Variants in SMAD6 observed in about 807,000 individuals in gnomAD.
The protein encoded by SMAD6 is MAD homolog 6.
In SMAD6, 103 loss-of-function variants were observed where a neutral mutation model predicts 39.4. That is an observed-to-expected ratio of 2.62 (90% CI 2.23 to 3.08). The LOEUF is 3.08. SMAD6 is among the 30% of genes most tolerant of loss of function. The pLI is 0.00. For missense variants in SMAD6, 1,104 were observed against 742.9 expected (o/e 1.49, Z -5.65); for synonymous variants, 445 against 353.3 (o/e 1.26, Z -2.91).
intron 3 of SMAD6, among the ~76,000 whole-genome samples, chr15:66,766,167 A>G (rs565906569): frequency 2.0e-5 from 3 of 152,130 alleles, no homozygotes; most frequent in African/African-American, 7.2e-5. Context: ...GGCAGCCTGC[A>G]GGGCCATTTG....
chr15:66,714,105 AAAAGTTCTTAGTG>A (rs1893282185), intron 2 of SMAD6, among the ~76,000 whole-genome samples: 1 of 152,178 alleles, frequency 6.6e-6, no homozygotes, highest in South Asian at 2.1e-4. Flanking sequence ...AAAAACCCTC[AAAAGTTCTTAGTG>A]AAAGTTCTTA....
At chr15:66,753,418 G>A (rs1894042192) in intron 3 of SMAD6, among the ~76,000 whole-genome samples, 1 of 152,168 alleles carries the variant, frequency 6.6e-6, no homozygotes, top group South Asian at 2.1e-4. Context: ...TTCCTGTAAC[G>A]CTCAGCACTG....
At chr15:66,763,324 T>C (rs527352828) in intron 3 of SMAD6, among the ~76,000 whole-genome samples, 1 of 152,324 alleles carries the variant, frequency 6.6e-6, no homozygotes, top group Non-Finnish European at 1.5e-5. Flanking sequence ...GACTGGCGGC[T>C]CTGGGTCTCC....
At chr15:66,743,008 G>A (rs879652626) in intron 3 of SMAD6, among the ~76,000 whole-genome samples, 10 of 152,100 alleles carry the variant, frequency 6.6e-5, no homozygotes, top group Admixed American at 1.3e-4. Context: ...CCGTGTGACC[G>A]TTCCCTCTGT....
At chr15:66,771,151 G>A (rs979673392) in intron 3 of SMAD6, among the ~76,000 whole-genome samples, 6 of 152,168 alleles carry the variant, frequency 3.9e-5, no homozygotes, top group African/African-American at 1.2e-4. Context: ...AGGTAGAGGC[G>A]TGCTGATGGG....
At chr15:66,705,319 G>A (rs1481761584) in intron 1 of SMAD6, 1 of 152,208 alleles carries the variant, frequency 6.6e-6, no homozygotes, top group African/African-American at 2.4e-5. Flanking sequence ...CCTGCATAGA[G>A]GGCATTGATG....
Position 66,781,217 on chromosome 15 carries a change from C to G in SMAD6, c.1173C>G (p.Ile391Met). ...RRTRSKIGFG[I>M]LLSKEPDGVW... ...CGCGCAGCAAGATCGGCTTCGGCAT[C>G]CTGCTCAGCAAGGAGCCCGACGGCG... is the stretch of plus-strand genomic sequence containing the variant. The change falls in exon 4 of 4, where the codon ATC becomes ATG. Residue 391 changes from isoleucine to methionine, a missense_variant. Coordinates refer to ENST00000288840, the MANE Select transcript of SMAD6 (RefSeq NM_005585.5). 1.2e-6 allele frequency: 2 copies of G among 1,608,756 alleles called. No homozygotes were observed. Among genetic ancestry groups the G allele is most frequent in the South Asian group, 2.2e-5 (2 of 91,066 alleles).
intron 3 of SMAD6, among the ~76,000 whole-genome samples, chr15:66,754,678 C>T (rs1014604753): frequency 1.3e-5 from 2 of 152,016 alleles, no homozygotes; most frequent in African/African-American, 2.4e-5. Flanking sequence ...AGAGTGTCTC[C>T]CAGAATCCTT....
intron 3 of SMAD6, among the ~76,000 whole-genome samples, chr15:66,733,608 T>G (rs1482497684): frequency 6.6e-6 from 1 of 152,270 alleles, no homozygotes; most frequent in Non-Finnish European, 1.5e-5. Context: ...TATAGAAATA[T>G]AATTGATTTT....
intron 3 of SMAD6, among the ~76,000 whole-genome samples, chr15:66,729,850 G>A (rs912287638): frequency 2.0e-5 from 3 of 152,144 alleles, no homozygotes; most frequent in African/African-American, 4.8e-5. Context: ...AGGCGGCACC[G>A]CGGCCGGGCC....
chr15:66,722,647 A>C (rs1893454146), intron 3 of SMAD6, among the ~76,000 whole-genome samples: 1 of 152,236 alleles, frequency 6.6e-6, no homozygotes, highest in African/African-American at 2.4e-5. Context: ...TACTCACATC[A>C]ATCCCTCGCC....
intron 3 of SMAD6, among the ~76,000 whole-genome samples, chr15:66,763,720 TCAC>T: frequency 6.6e-6 from 1 of 152,266 alleles, no homozygotes; most frequent in East Asian, 1.9e-4. Flanking sequence ...AACATGTAAA[TCAC>T]CAAGGAAGCC....
Position 66,781,232 on chromosome 15 carries a change from G to GC in SMAD6, c.1191dup (p.Asp398ArgfsTer167). On this transcript the variant is annotated frameshift_variant, in exon 4 of 4. Coordinates refer to ENST00000288840, the MANE Select transcript of SMAD6 (RefSeq NM_005585.5). LOFTEE classifies it high-confidence loss of function. ...GCTTCGGCATCCTGCTCAGCAAGGA[G>GC]CCCGACGGCGTGTGGGCCTACAACC... 6.2e-7 allele frequency: 1 copy of GC among 1,608,628 alleles called. No homozygotes were observed. Among genetic ancestry groups the GC allele is most frequent in the Non-Finnish European group, 8.5e-7 (1 of 1,179,626 alleles).
chr15:66,711,728 AGT>A lies in SMAD6; in HGVS notation c.874+8_874+9del, dbSNP rs2140596524. ...CGCGACGAGTACAAGCCACTGGGTA[AGT>A]GTGCCCTCCTTCCTACCCTTGCAGA... On this transcript the variant is annotated splice_donor_5th_base_variant and intron_variant, in intron 2 of 3. Coordinates refer to ENST00000288840, the MANE Select transcript of SMAD6 (RefSeq NM_005585.5). 1.2e-6 allele frequency: 2 copies of A among 1,611,764 alleles called. No homozygotes were observed. The highest frequency in any genetic ancestry group is 3.3e-5 in the Admixed American group (2 of 59,992).
rs1894595471 is a variant in SMAD6, at chr15:66,782,444, C to G, written c.*909C>G. On this transcript the variant is annotated 3_prime_UTR_variant, in exon 4 of 4. Coordinates refer to ENST00000288840, the MANE Select transcript of SMAD6 (RefSeq NM_005585.5). ...CACCTGCTACCTTGCAGAGAACCAT[C>G]TCGAGCCCCGTAGATCTTTTTAGGA... 1 of 152,336 alleles carries G rather than the reference C, an allele frequency of 6.6e-6. No homozygotes were observed. Among genetic ancestry groups the G allele is most frequent in the Admixed American group, 6.5e-5 (1 of 15,284 alleles). The allele number at this position is 152,336 out of a possible 1,614,324, so 9.4% of individuals were successfully genotyped here.
At chr15:66,715,662 A>G (rs1468208199) in intron 2 of SMAD6, among the ~76,000 whole-genome samples, 14 of 152,078 alleles carry the variant, frequency 9.2e-5, no homozygotes, top group Admixed American at 8.5e-4. Context: ...CTAGCAGCTC[A>G]GTGTTCTATA....
At chr15:66,759,531 A>T (rs761327959) in intron 3 of SMAD6, among the ~76,000 whole-genome samples, 2 of 152,186 alleles carry the variant, frequency 1.3e-5, no homozygotes, top group Admixed American at 1.3e-4. Context: ...GGTCAGTTCC[A>T]TATCTTTGTG....
intron 3 of SMAD6, among the ~76,000 whole-genome samples, chr15:66,762,194 A>T (rs1894211775): frequency 6.6e-6 from 1 of 152,256 alleles, no homozygotes; most frequent in African/African-American, 2.4e-5. Flanking sequence ...TACAAAAACA[A>T]GAGTCTCCCT....
chr15:66,763,133 G>A (rs1298575427), intron 3 of SMAD6, among the ~76,000 whole-genome samples: 5 of 152,234 alleles, frequency 3.3e-5, no homozygotes, highest in African/African-American at 9.6e-5. Context: ...AGTGAGATCT[G>A]CTGAGCACCT....
Sources: allele counts gnomAD v4.1 joint callset (sites outside exome capture counted in the v4.1 genomes callset), GRCh38; gene constraint gnomAD v4.1.1; transcripts MANE v1.5; gene names NCBI Gene and HGNC (gene_info 2026-07-23, HGNC 2026-07-21).